The following LRRC49 variants were observed in gnomAD, a reference collection of about 807,000 sequenced individuals.
LRRC49 encodes leucine-rich repeat-containing protein 49.
In LRRC49, 50 loss-of-function variants were observed where a neutral mutation model predicts 83.3. That is an observed-to-expected ratio of 0.60 (90% CI 0.48 to 0.76). The LOEUF is 0.76. Ranked by LOEUF, LRRC49 falls within the 30% of genes least tolerant of loss-of-function variation. The pLI is 0.00. For missense variants in LRRC49, 704 were observed against 809.1 expected (o/e 0.87, Z 1.58); for synonymous variants, 286 against 283.3 (o/e 1.01, Z -0.10).
At position 70,858,998 on chromosome 15, in the gene LRRC49, A is replaced by G. The variant is rs2032720152; in HGVS notation, c.-299+5529A>G. On this transcript the variant is annotated intron_variant, in intron 1 of 16. Coordinates refer to the LRRC49 transcript ENST00000544974. ...TACACACCCAAAGAAGGAGCAGATC[A>G]AGGCCCTCAACAACAAGTTTGCCTC... 7.4e-6 allele frequency: 7 copies of G among 941,002 alleles called. No individual in the cohort carries two copies. The Admixed American group carries it at 1.0e-4, about 14-fold the overall frequency. The allele number at this position is 941,002 out of a possible 1,614,324, so 58.3% of individuals were successfully genotyped here.
Position 70,920,109 on chromosome 15 carries a change from A to C in LRRC49, c.711+916A>C, listed in dbSNP as rs79894796. Among the ~76,000 whole-genome samples, 956 of 152,308 alleles carry C rather than the reference A, an allele frequency of 6.3e-3. 10 individuals carry two copies. Among genetic ancestry groups the C allele is most frequent in the African/African-American group, 0.021 (872 of 41,568 alleles). On this transcript the variant is annotated intron_variant, in intron 7 of 15. Transcript: ENST00000260382. The stretch of plus-strand genomic sequence containing the variant: ...TTAAATGCTATAGAAAAACTGCTTT[A>C]AGTTCTCTCTGGTATCATTTATGCA...
In LRRC49 at chr15:70,895,931, G is replaced by A. The variant is rs1375222244; in HGVS notation, c.188G>A (p.Arg63Lys). ...QHDLERNYSSRQGDHINLVSS... is the reference protein window; with the variant it reads ...QHDLERNYSSKQGDHINLVSS... The stretch of plus-strand genomic sequence containing the variant: ...GACCTTGAAAGAAACTACTCAAGTA[G>A]GCAAGGTATTGTCAGTGAATAGAGA... Residue 63 changes from arginine to lysine, a missense_variant, in exon 3 of 16, where the codon AGG becomes AAG. Physicochemically the swap from Arg to Lys is conservative, Grantham distance 26. Coordinates refer to ENST00000260382, the MANE Select transcript of LRRC49 (RefSeq NM_017691.5). 4 of 1,591,104 alleles carry A rather than the reference G, an allele frequency of 2.5e-6. No individual in the cohort carries two copies. The highest frequency in any genetic ancestry group is 1.7e-5 in the Admixed American group (1 of 59,352).
At chr15:71,001,284 T>C (rs906169333) in intron 11 of LRRC49, among the ~76,000 whole-genome samples, 1 of 152,196 alleles carries the variant, frequency 6.6e-6, no homozygotes, top group African/African-American at 2.4e-5. Flanking sequence ...TCCTTTCTCA[T>C]TGAACTGCAA....
At chr15:70,907,890 G>A in intron 5 of LRRC49, 1 of 450,300 alleles carries the variant, frequency 2.2e-6, no homozygotes, top group Admixed American at 2.4e-5. Context: ...GGGGGCACTG[G>A]CTAGGATTCT....
chr15:70,892,908 A>T lies in LRRC49; in HGVS notation c.14A>T (p.Lys5Ile). The T allele has an allele frequency of 6.2e-7, 1 of 1,614,174 alleles. No individual in the cohort carries two copies. Among genetic ancestry groups the T allele is most frequent in the Non-Finnish European group, 8.5e-7 (1 of 1,180,036 alleles). ...CTGTCTCCTATCATGATTCCCGGGA[A>T]ATATCGCTCTGTTTCTGGCCGGGCT... MIPG[K>I]YRSVSGRAAN... The change falls in exon 1 of 16, where the codon AAA becomes ATA. Residue 5 changes from lysine (K) to isoleucine (I), a missense_variant. This residue lies in a region of LRRC49 where 261 missense variants were observed against 330.5 expected (regional missense o/e 0.79). Transcript: ENST00000260382.
rs2141095546 is a variant in LRRC49, at chr15:70,892,949, T to C, written c.48+7T>C. The C allele has an allele frequency of 2.5e-6, 4 of 1,614,202 alleles. No homozygotes were observed. Among genetic ancestry groups the C allele is most frequent in the Middle Eastern group, 1.6e-4 (1 of 6,062 alleles). On this transcript the variant is annotated splice_region_variant and intron_variant, in intron 1 of 15. Transcript: ENST00000260382. ...TGGCCGGGCTGCGAACAACGTAAGT[T>C]GGGCCTTCTACTTTCTCTTTCTTCC... is the stretch of plus-strand genomic sequence containing the variant.
chr15:70,854,285 G>T, intron 1 of LRRC49: 1 of 190,450 alleles, frequency 5.3e-6, no homozygotes, highest in Non-Finnish European at 9.8e-6. Context: ...ACCGCTAGTG[G>T]AGCGCCCGCG....
intron 8 of LRRC49, among the ~76,000 whole-genome samples, chr15:70,962,659 A>G (rs1187279275): frequency 6.6e-6 from 1 of 152,190 alleles, no homozygotes; most frequent in Non-Finnish European, 1.5e-5. Context: ...GGGACATAGA[A>G]GCCAATTGAA....
chr15:70,980,247 G>A (rs1249236660), intron 10 of LRRC49, 63 bp downstream of exon 10: 12 of 1,181,824 alleles, frequency 1.0e-5, no homozygotes, highest in Non-Finnish European at 1.4e-5. Flanking sequence ...CCCAAAGCCA[G>A]CTAGCTAGTC....
At chr15:70,898,578 C>CTGGG in intron 3 of LRRC49, 1 of 523,350 alleles carries the variant, frequency 1.9e-6, no homozygotes. Context: ...AGTTCAAGAC[C>CTGGG]CCATCTTGAA....
At chr15:70,934,485 T>A (rs1296407140) in intron 7 of LRRC49, among the ~76,000 whole-genome samples, 1 of 152,194 alleles carries the variant, frequency 6.6e-6, no homozygotes, top group African/African-American at 2.4e-5. Context: ...AACTTGTGAA[T>A]ATTTTTATAT....
intron 8 of LRRC49, among the ~76,000 whole-genome samples, chr15:70,961,806 T>C (rs1221812734): frequency 6.6e-6 from 1 of 152,224 alleles, no homozygotes; most frequent in East Asian, 1.9e-4. Flanking sequence ...GAAACGGTTC[T>C]CTAAGATACT....
At position 70,895,877 on chromosome 15, in the gene LRRC49, C is replaced by T. The variant is rs955435542; in HGVS notation, c.134C>T (p.Ser45Leu). The change falls in exon 3 of 16, where the codon TCG becomes TTG. Residue 45 changes from serine (S) to leucine (L), a missense_variant. Transcript: ENST00000260382. ...KVEFKLNKDT[S>L]SFPGRLLQHD... ...GAATTCAAGCTAAATAAAGACACAT[C>T]GTCATTCCCCGGTAGACTTTTACAA... 1.2e-5 allele frequency: 19 copies of T among 1,610,392 alleles called. No homozygotes were observed. Among genetic ancestry groups the T allele is most frequent in the Non-Finnish European group, 1.6e-5 (19 of 1,178,472 alleles).
intron 11 of LRRC49, among the ~76,000 whole-genome samples, chr15:71,000,133 C>T (rs1259623316): frequency 6.6e-6 from 1 of 152,178 alleles, no homozygotes; most frequent in Non-Finnish European, 1.5e-5. Context: ...TATTGAAATT[C>T]AGCAGTTTTT....
At chr15:70,926,597 C>T (rs2035208885) in intron 7 of LRRC49, among the ~76,000 whole-genome samples, 2 of 151,816 alleles carry the variant, frequency 1.3e-5, no homozygotes, top group African/African-American at 2.4e-5. Context: ...ATACATGTGC[C>T]ATGTTGGTGT....
At chr15:70,892,465 T>TTCCTCC (rs1402633873), upstream of LRRC49, 4 of 1,525,652 alleles carry the variant, frequency 2.6e-6, no homozygotes, top group African/African-American at 5.5e-5. Context: ...CTTTGATATC[T>TTCCTCC]TCCTCCTCCT....
chr15:70,903,246 TTATA>T (rs777673815), intron 4 of LRRC49, among the ~76,000 whole-genome samples: 23 of 152,040 alleles, frequency 1.5e-4, no homozygotes, highest in Non-Finnish European at 1.8e-4. Context: ...AATTTATAAT[TTATA>T]TACTAAATTT....
intron 9 of LRRC49, among the ~76,000 whole-genome samples, chr15:70,966,245 G>A (rs573411439): frequency 1.3e-5 from 2 of 152,266 alleles, no homozygotes; most frequent in Admixed American, 6.5e-5. Context: ...CACTGGGGCA[G>A]TGGTTCCTAA....
chr15:70,892,501 C>T, upstream of LRRC49: 1 of 1,526,136 alleles, frequency 6.6e-7, no homozygotes, highest in South Asian at 1.2e-5. Flanking sequence ...CCCCAGGAGC[C>T]AGTGGACACA....
Sources: allele counts gnomAD v4.1 joint callset (sites outside exome capture counted in the v4.1 genomes callset), GRCh38; gene constraint gnomAD v4.1.1; regional missense constraint gnomAD v4.1.1; transcripts MANE v1.5; gene names NCBI Gene and HGNC (gene_info 2026-07-23, HGNC 2026-07-21).